Variants in PCLO observed in about 807,000 individuals in gnomAD.
The protein encoded by PCLO is protein piccolo.
In PCLO, 82 loss-of-function variants were observed where a neutral mutation model predicts 427.5. The ratio of observed to expected loss-of-function variants is 0.19; its 90% confidence interval spans 0.16 to 0.23. The LOEUF is 0.23. Among genes scored for constraint, PCLO ranks in the 10% least tolerant of loss-of-function variants. The pLI is 1.00. For missense variants in PCLO, 6,239 were observed against 6,115.9 expected (o/e 1.02, Z -0.67); for synonymous variants, 2,357 against 2,155.4 (o/e 1.09, Z -2.59).
At chr7:82,816,863 A>G (rs531941904) in intron 20 of PCLO, among the ~76,000 whole-genome samples, 1 of 152,296 alleles carries the variant, frequency 6.6e-6, no homozygotes, top group African/African-American at 2.4e-5. Context: ...GTACCCATTG[A>G]TGGTAGGTCA....
chr7:82,876,355 A>G (rs1383880496), intron 10 of PCLO, among the ~76,000 whole-genome samples: 1 of 151,980 alleles, frequency 6.6e-6, no homozygotes, highest in South Asian at 2.1e-4. Flanking sequence ...TGGTATCTCA[A>G]CCAATCTACT....
rs373455161 is a variant in PCLO at position 82,980,958 on chromosome 7, T to C, written c.3301-14471A>G. 2.6e-5 allele frequency among the ~76,000 whole-genome samples: 4 copies of C among 152,004 alleles called. No individual in the cohort carries two copies. In the South Asian group the frequency reaches 6.2e-4, roughly 24 times the overall value. ...ATACACAGATGAAAAAATTCAAACA[T>C]AGAAATTAAAAAGTAATATTCTGCT... On this transcript the variant is annotated intron_variant, in intron 3 of 24. Transcript: ENST00000333891.
At chr7:82,958,893 T>A (rs1795593258) in intron 4 of PCLO, among the ~76,000 whole-genome samples, 1 of 152,138 alleles carries the variant, frequency 6.6e-6, no homozygotes, top group East Asian at 1.9e-4. Flanking sequence ...CAGTATAATT[T>A]CTATGTCCTT....
At chr7:83,060,585 C>A (rs4732493) in intron 3 of PCLO, among the ~76,000 whole-genome samples, 35,645 of 151,874 alleles carry the variant, frequency 0.23, 4,757 homozygotes, top group East Asian at 0.56. Flanking sequence ...CTTACCCAAC[C>A]CTCTAAATTT....
intron 10 of PCLO, among the ~76,000 whole-genome samples, chr7:82,877,071 A>G (rs950332018): frequency 3.9e-5 from 6 of 152,200 alleles, no homozygotes; most frequent in African/African-American, 1.4e-4. Context: ...GCAGTCTTAG[A>G]GCTTGTAAAA....
At chr7:82,772,189 T>C (rs1402225475) in intron 22 of PCLO, among the ~76,000 whole-genome samples, 12 of 152,172 alleles carry the variant, frequency 7.9e-5, no homozygotes, top group Non-Finnish European at 1.5e-4. Context: ...AAGGTAGATA[T>C]CATTTCCACC....
intron 3 of PCLO, among the ~76,000 whole-genome samples, chr7:83,095,030 T>C (rs902471208): frequency 9.2e-5 from 14 of 152,196 alleles, no homozygotes; most frequent in Admixed American, 3.3e-4. Context: ...GAAAAGACTA[T>C]ATAGGATTGG....
At chr7:82,893,516 T>C (rs1337193909) in intron 9 of PCLO, among the ~76,000 whole-genome samples, 2 of 151,958 alleles carry the variant, frequency 1.3e-5, no homozygotes, top group Non-Finnish European at 2.9e-5. Flanking sequence ...GGCACATGTA[T>C]ACATATGTAA....
intron 3 of PCLO, among the ~76,000 whole-genome samples, chr7:83,071,942 G>T (rs548870445): frequency 2.6e-5 from 4 of 152,110 alleles, no homozygotes; most frequent in East Asian, 3.9e-4. Flanking sequence ...ATAAAACATT[G>T]AATATTTTTT....
At chr7:83,020,498 AC>A (rs71522638) in intron 3 of PCLO, among the ~76,000 whole-genome samples, 18,626 of 152,058 alleles carry the variant, frequency 0.12, 1,293 homozygotes, top group Admixed American at 0.16. Context: ...AGCTTACATC[AC>A]TTTTACTCTC....
At chr7:83,039,840 C>G (rs1308277445) in intron 3 of PCLO, among the ~76,000 whole-genome samples, 1 of 152,066 alleles carries the variant, frequency 6.6e-6, no homozygotes, top group Non-Finnish European at 1.5e-5. Context: ...GGGATGTTGT[C>G]TTTCAGTAAT....
intron 9 of PCLO, among the ~76,000 whole-genome samples, chr7:82,889,796 T>A (rs1217897977): frequency 6.6e-6 from 1 of 152,112 alleles, no homozygotes; most frequent in Admixed American, 6.6e-5. Context: ...TACATTTATA[T>A]TTTTGAAGAG....
Position 82,902,675 on chromosome 7 carries a change from C to T in PCLO, c.13504G>A (p.Asp4502Asn), listed in dbSNP as rs753992558. The T allele has an allele frequency of 2.5e-6, 4 of 1,594,746 alleles. No individual in the cohort carries two copies. Among genetic ancestry groups the T allele is most frequent in the Middle Eastern group, 1.7e-4 (1 of 6,020 alleles). The change falls in exon 9 of 25, where the codon GAC (aspartate) becomes AAC (asparagine). Residue 4502 changes from aspartate to asparagine, a missense_variant. Around this residue, in one of 5 missense-constraint regions of PCLO, gnomAD observed 877 missense variants for 925.5 expected, o/e 0.95. Transcript: ENST00000333891. The stretch of plus-strand genomic sequence containing the variant: ...CCTGAAACTGTGTGATCCTTTGAGT[C>T]TCTTGTTATTTTTATCCTTGCGTGA... ...FPHARIKITR[D>N]SKDHTVSGNG...
chr7:82,845,695 A>G (rs553952409), intron 12 of PCLO, among the ~76,000 whole-genome samples: 12 of 152,318 alleles, frequency 7.9e-5, no homozygotes, highest in African/African-American at 2.2e-4. Context: ...GCTGAATTAC[A>G]GAGGAATAGT....
intron 3 of PCLO, among the ~76,000 whole-genome samples, chr7:83,110,498 C>A (rs1161934731): frequency 6.6e-6 from 1 of 152,018 alleles, no homozygotes; most frequent in African/African-American, 2.4e-5. Flanking sequence ...GTTCTTCTTT[C>A]CTGACAAAAT....
At chr7:82,869,209 G>A (rs1793171250) in intron 10 of PCLO, among the ~76,000 whole-genome samples, 1 of 151,994 alleles carries the variant, frequency 6.6e-6, no homozygotes, top group Admixed American at 6.6e-5. Flanking sequence ...ACCTTTTCTG[G>A]AGATATAATA....
At chr7:82,847,619 C>T (rs759028841) in intron 10 of PCLO, among the ~76,000 whole-genome samples, 22 of 152,040 alleles carry the variant, frequency 1.4e-4, no homozygotes, top group African/African-American at 1.9e-4. Context: ...AATTTTCCTG[C>T]GGGGAACAAG....
At chr7:83,011,930 T>A (rs945235477) in intron 3 of PCLO, among the ~76,000 whole-genome samples, 6 of 152,210 alleles carry the variant, frequency 3.9e-5, no homozygotes, top group Non-Finnish European at 7.3e-5. Context: ...GCACTGAGAA[T>A]CAGAGATGAG....
chr7:83,059,357 AATATAT>A (rs752009069), intron 3 of PCLO, among the ~76,000 whole-genome samples: 3 of 111,802 alleles, frequency 2.7e-5, no homozygotes, highest in Non-Finnish European at 5.2e-5. Context: ...ACACCTTTAA[AATATAT>A]ATATATATAT....
Sources: gnomAD v4.1 joint callset for allele counts (sites outside exome capture counted in the v4.1 genomes callset) on GRCh38, gnomAD v4.1.1 for gene constraint, gnomAD v4.1.1 regional missense constraint, MANE v1.5 for transcripts, NCBI Gene and HGNC (gene_info 2026-07-23, HGNC 2026-07-21) for gene names.